The following SORBS2 variants were observed in gnomAD, a reference collection of about 807,000 sequenced individuals.
SORBS2 encodes sorbin and SH3 domain containing 2.
In SORBS2, 46 loss-of-function variants were observed where a neutral mutation model predicts 97.7. The observed-to-expected ratio is 0.47, with a 90% CI of 0.37 to 0.60. The LOEUF (loss-of-function observed/expected upper bound fraction) is 0.60, where lower values mean the gene tolerates loss of function less well. Among genes scored for constraint, SORBS2 ranks in the 20% least tolerant of loss-of-function variants. SORBS2 has a pLI of 0.00. For synonymous variants in SORBS2, 476 were observed against 473.4 expected (o/e 1.01, Z -0.07); for missense variants, 1,316 against 1,282.3 (o/e 1.03, Z -0.40).
At chr4:185,675,618 AC>A (rs2097779610) in intron 4 of SORBS2, among the ~76,000 whole-genome samples, 1 of 152,174 alleles carries the variant, frequency 6.6e-6, no homozygotes, top group African/African-American at 2.4e-5. Context: ...TAAAATAAGG[AC>A]AGTAGTAATA....
At chr4:185,638,711 A>G (rs2097071244) in intron 4 of SORBS2, among the ~76,000 whole-genome samples, 166 bp downstream of exon 14, 1 of 146,576 alleles carries the variant, frequency 6.8e-6, no homozygotes, top group Admixed American at 6.8e-5. Context: ...GGGGAGGGGG[A>G]CAGGGCATTG....
intron 1 of SORBS2, among the ~76,000 whole-genome samples, chr4:185,952,405 C>T (rs575771285): frequency 1.3e-5 from 2 of 152,324 alleles, no homozygotes; most frequent in African/African-American, 4.8e-5. Flanking sequence ...GAGGCCTGGG[C>T]CAGTAGGTAG....
chr4:185,816,655 C>T (rs1280054643), intron 1 of SORBS2, among the ~76,000 whole-genome samples: 1 of 152,304 alleles, frequency 6.6e-6, no homozygotes, highest in African/African-American at 2.4e-5. Flanking sequence ...CAAATGCGTT[C>T]ATATCCCCTG....
chr4:185,609,542 C>A (rs886729288), intron 12 of SORBS2, among the ~76,000 whole-genome samples: 10 of 152,204 alleles, frequency 6.6e-5, no homozygotes, highest in Non-Finnish European at 1.5e-4. Flanking sequence ...CCAAATGAAG[C>A]ATCCTGGTAT....
intron 1 of SORBS2, among the ~76,000 whole-genome samples, chr4:185,931,365 A>G (rs1017230480): frequency 3.3e-5 from 5 of 152,196 alleles, no homozygotes; most frequent in African/African-American, 9.7e-5. Context: ...AATATTCATG[A>G]CACTTGTTAA....
chr4:185,867,897 G>A (rs543458197), intron 1 of SORBS2, among the ~76,000 whole-genome samples: 2 of 152,124 alleles, frequency 1.3e-5, no homozygotes, highest in African/African-American at 2.4e-5. Flanking sequence ...CTAACCCTCA[G>A]GGGTCCCACC....
intron 1 of SORBS2, among the ~76,000 whole-genome samples, chr4:185,879,916 C>T (rs1025385060): frequency 3.3e-5 from 5 of 152,180 alleles, no homozygotes; most frequent in Admixed American, 1.3e-4. Context: ...GGACCTTCTA[C>T]GAGAGCCACG....
intron 1 of SORBS2, among the ~76,000 whole-genome samples, chr4:185,868,820 C>T (rs752461891): frequency 1.3e-5 from 2 of 152,164 alleles, no homozygotes; most frequent in Non-Finnish European, 2.9e-5. Flanking sequence ...GAGAAAAATC[C>T]CTTGTCTCAG....
chr4:185,634,634 C>T (rs1167932975), intron 4 of SORBS2, among the ~76,000 whole-genome samples: 1 of 152,086 alleles, frequency 6.6e-6, no homozygotes, highest in African/African-American at 2.4e-5. Context: ...ATCATTCTCT[C>T]TTTCAAATAA....
rs528564071 is a variant in SORBS2 at position 185,680,342 on chromosome 4, T to G, written c.-197-1520A>C. On this transcript the variant is annotated intron_variant, in intron 2 of 20. Coordinates refer to the SORBS2 transcript ENST00000284776. The stretch of plus-strand genomic sequence containing the variant: ...AGGATTTGATGGAAGCAGAAATGAT[T>G]GAAATTCTTAATCAGCTATATGATG... 3.3e-5 allele frequency among the ~76,000 whole-genome samples: 5 copies of G among 152,270 alleles called. No homozygotes were observed. The South Asian group carries it at 1.0e-3, about 32-fold the overall frequency.
intron 2 of SORBS2, among the ~76,000 whole-genome samples, chr4:185,726,843 C>A (rs1202709397): frequency 6.6e-6 from 1 of 152,040 alleles, no homozygotes; most frequent in African/African-American, 2.4e-5. Flanking sequence ...GAAATAGAAG[C>A]TATGGAGATG....
intron 4 of SORBS2, chr4:185,646,362 T>C (rs2097207318): frequency 4.9e-6 from 1 of 203,202 alleles, no homozygotes; most frequent in Admixed American, 5.7e-5. Context: ...TATATATATG[T>C]GTGTGCATAC....
chr4:185,659,474 T>C (rs71624710), upstream of SORBS2, among the ~76,000 whole-genome samples: 6 of 151,694 alleles, frequency 4.0e-5, no homozygotes, highest in Non-Finnish European at 8.8e-5. Context: ...TGGAGTGCAG[T>C]GGCGCGATCT....
intron 2 of SORBS2, among the ~76,000 whole-genome samples, chr4:185,770,005 G>A (rs2098960617): frequency 6.6e-6 from 1 of 151,964 alleles, no homozygotes; most frequent in Non-Finnish European, 1.5e-5. Flanking sequence ...TTTTTTAGGT[G>A]ATAAGAAACA....
intron 2 of SORBS2, among the ~76,000 whole-genome samples, chr4:185,694,705 TC>T (rs1382477774): frequency 9.2e-6 from 1 of 108,244 alleles, no homozygotes; most frequent in African/African-American, 3.2e-5. Flanking sequence ...TCCTTTTCTT[TC>T]TTTTCTTTTC....
intron 1 of SORBS2, among the ~76,000 whole-genome samples, chr4:185,798,064 G>A (rs1025449931): frequency 3.9e-5 from 6 of 152,034 alleles, no homozygotes; most frequent in Non-Finnish European, 8.8e-5. Context: ...CTGAACATAC[G>A]CAGCCTGGAG....
intron 14 of SORBS2, chr4:185,587,985 G>A (rs2095827499): frequency 6.7e-6 from 2 of 298,934 alleles, no homozygotes; most frequent in East Asian, 7.6e-5. Context: ...GGAGGGGGGC[G>A]GAGGAGCTCA....
chr4:185,910,046 G>A (rs926337420), intron 1 of SORBS2, among the ~76,000 whole-genome samples: 3 of 151,412 alleles, frequency 2.0e-5, no homozygotes, highest in African/African-American at 7.3e-5. Flanking sequence ...CTGGCTGTGT[G>A]TCTGACACTG....
At chr4:185,706,970 A>T (rs2098352681) in intron 2 of SORBS2, among the ~76,000 whole-genome samples, 1 of 152,128 alleles carries the variant, frequency 6.6e-6, no homozygotes. Context: ...TGTCATAAAC[A>T]CGTATGTACA....
Sources: allele counts gnomAD v4.1 joint callset (sites outside exome capture counted in the v4.1 genomes callset), GRCh38; gene constraint gnomAD v4.1.1; transcripts MANE v1.5; gene names NCBI Gene and HGNC (gene_info 2026-07-23, HGNC 2026-07-21).